The following MYO18B variants were observed in gnomAD, a reference collection of about 807,000 sequenced individuals.
MYO18B encodes unconventional myosin-XVIIIb.
A neutral mutation model predicts 273.0 loss-of-function variants in MYO18B; 204 were observed. The observed-to-expected ratio is 0.75, with a 90% CI of 0.67 to 0.84. The LOEUF (loss-of-function observed/expected upper bound fraction) is 0.84, where lower values mean the gene tolerates loss of function less well. Among genes scored for constraint, MYO18B ranks in the 40% least tolerant of loss-of-function variants. MYO18B has a pLI of 0.00. For missense variants in MYO18B, 3,212 were observed against 3,287.6 expected (o/e 0.98, Z 0.56); for synonymous variants, 1,330 against 1,305.7 (o/e 1.02, Z -0.40).
At position 25,786,840 on chromosome 22, in the gene MYO18B, T is replaced by A. The variant is rs529039840; in HGVS notation, c.2376+1349T>A. ...TCAAAACTCAACCCAACAAAAAAGA[T>A]GGGCAAAATATGGAACATACAAAAA... On this transcript the variant is annotated intron_variant, in intron 11 of 43. Transcript: ENST00000335473. 2.0e-5 allele frequency among the ~76,000 whole-genome samples: 3 copies of A among 152,216 alleles called. No individual in the cohort carries two copies. In the South Asian group the frequency reaches 6.2e-4, roughly 32 times the overall value.
chr22:25,987,761 G>A (rs2093218093), intron 39 of MYO18B, among the ~76,000 whole-genome samples: 1 of 152,032 alleles, frequency 6.6e-6, no homozygotes. Context: ...ATGTATGCGT[G>A]TATGCATGAA....
chr22:25,948,455 C>CT (rs1569225255), intron 36 of MYO18B, among the ~76,000 whole-genome samples: 26 of 80,142 alleles, frequency 3.2e-4, no homozygotes, highest in African/African-American at 1.2e-3. Context: ...TCCTTCCTTC[C>CT]TTCCTTCTTT....
Position 26,027,465 on chromosome 22 carries a change from G to A in MYO18B, c.7491G>A (p.Glu2497=). The A allele has an allele frequency of 6.2e-7, 1 of 1,613,952 alleles. No homozygotes were observed. The highest frequency in any genetic ancestry group is 8.5e-7 in the Non-Finnish European group (1 of 1,179,892). The change falls in exon 43 of 44, where the codon GAG becomes GAA. Residue 2497 remains glutamate, a synonymous_variant. Coordinates refer to ENST00000335473, the MANE Select transcript of MYO18B (RefSeq NM_032608.7). This position sits in a 1 kb window ranked among gnomAD's most constrained non-coding sequence, Gnocchi z 4.1. ...AGACCATTTTGAAGAAGAGCCCGGA[G>A]CCCAAGGAGGATCCCGCTCACCTGT... ...GIKTILKKSP[E]PKEDPAHLSD...
Position 26,027,383 on chromosome 22 carries a change from G to A in MYO18B, c.7409G>A (p.Arg2470His), listed in dbSNP as rs75632091. The change falls in exon 43 of 44, where the codon CGT becomes CAT. Residue 2470 changes from arginine (R) to histidine (H), a missense_variant. Arg to His is a conservative substitution (Grantham distance 29, BLOSUM62 0). Transcript: ENST00000335473. This position sits in a 1 kb window ranked among gnomAD's most constrained non-coding sequence, Gnocchi z 4.1. ...SAKGGQDGSQRSSIHFETEEA... is the reference protein window; with the variant it reads ...SAKGGQDGSQHSSIHFETEEA... ...AAAGGTGGGCAAGACGGTTCACAGC[G>A]TTCAAGCATCCACTTTGAAACGGAA... is the stretch of plus-strand genomic sequence containing the variant. 8.1e-5 allele frequency: 130 copies of A among 1,613,908 alleles called. No individual in the cohort carries two copies. In the Admixed American group the frequency reaches 9.2e-4, roughly 11 times the overall value.
chr22:25,892,799 G>A (rs1017971928), intron 27 of MYO18B, among the ~76,000 whole-genome samples: 1 of 152,202 alleles, frequency 6.6e-6, no homozygotes, highest in African/African-American at 2.4e-5. Flanking sequence ...CATAGAGAGA[G>A]GGGAACATGT....
In MYO18B at chr22:25,768,648, G is replaced by T; in HGVS notation, c.732G>T (p.Gly244=). ...AGGGTCAAAGCATAGTGGGGAAGGG[G>T]CTTGGGACCCCCAAGACCACAGAGC... The part of the protein sequence containing the change: ...GEEGQSIVGK[G]LGTPKTTELK... The change falls in exon 4 of 44, where the codon GGG becomes GGT. Residue 244 remains glycine (G), a synonymous_variant. Transcript: ENST00000335473. 1 of 1,532,840 alleles carries T rather than the reference G, an allele frequency of 6.5e-7. No homozygotes were observed. Among genetic ancestry groups the T allele is most frequent in the Non-Finnish European group, 8.7e-7 (1 of 1,144,994 alleles). The allele number at this position is 1,532,840 out of a possible 1,614,324, so 95.0% of individuals were successfully genotyped here.
Position 26,027,148 on chromosome 22 carries a change from G to A in MYO18B, c.7174G>A (p.Asp2392Asn). The change falls in exon 43 of 44, where the codon GAC (aspartate) becomes AAC (asparagine). Residue 2392 changes from aspartate (D) to asparagine (N), a missense_variant. Coordinates refer to ENST00000335473, the MANE Select transcript of MYO18B (RefSeq NM_032608.7). The surrounding 1 kb of genome is among the most constrained non-coding windows in gnomAD (Gnocchi z 4.1). ...GAGGCGGTGTCTGGAGTCCTCTGTG[G>A]ACGATGCGGGCTGTCCAGACCTTGG... ...PRRRCLESSV[D>N]DAGCPDLGKE... 6.2e-7 allele frequency: 1 copy of A among 1,614,000 alleles called. No individual in the cohort carries two copies. The highest frequency in any genetic ancestry group is 8.5e-7 in the Non-Finnish European group (1 of 1,179,894).
At chr22:25,902,846 T>C (rs1410902808) in intron 30 of MYO18B, 110 bp downstream of exon 30, 6 of 1,242,502 alleles carry the variant, frequency 4.8e-6, no homozygotes, top group Middle Eastern at 2.0e-4. Flanking sequence ...CACAAGGGTA[T>C]CCTGGTCTGT....
At position 25,933,845 on chromosome 22, in the gene MYO18B, A is replaced by G. The variant is rs372564974; in HGVS notation, c.5518-12292A>G. Among the ~76,000 whole-genome samples the G allele has an allele frequency of 1.0e-3, 159 of 152,338 alleles. 1 individual carries two copies. Among genetic ancestry groups the G allele is most frequent in the African/African-American group, 3.7e-3 (153 of 41,574 alleles). On this transcript the variant is annotated intron_variant, in intron 34 of 43. Coordinates refer to ENST00000335473, the MANE Select transcript of MYO18B (RefSeq NM_032608.7). ...AAATGTATGCATTTCTGTAGGGTGC[A>G]TAACTAGAAGTGTGGTATCTCTGGG...
Position 25,781,806 on chromosome 22 carries a change from A to G in MYO18B, c.2284A>G (p.Met762Val). The G allele has an allele frequency of 6.3e-7, 1 of 1,592,718 alleles. No individual in the cohort carries two copies. The highest frequency in any genetic ancestry group is 8.5e-7 in the Non-Finnish European group (1 of 1,170,770). ...GESNFLVFSQ[M>V]LAGLDLDLRT... Reference sequence around the variant, plus strand: ...AAGTAACTTCCTGGTTTTCTCCCAGATGCTGGCTGGATTGGACTTGGATCT... The same window carrying G: ...AAGTAACTTCCTGGTTTTCTCCCAGGTGCTGGCTGGATTGGACTTGGATCT... Residue 762 changes from methionine to valine, a missense_variant, in exon 10 of 44, where the codon ATG becomes GTG. Physicochemically the swap from Met to Val is conservative, Grantham distance 21. Transcript: ENST00000335473.
intron 34 of MYO18B, among the ~76,000 whole-genome samples, chr22:25,939,710 A>G (rs1410119592): frequency 6.6e-6 from 1 of 152,220 alleles, no homozygotes; most frequent in Non-Finnish European, 1.5e-5. Context: ...GATGCTGGGC[A>G]TGTACCATAC....
chr22:25,769,176 G>C lies in MYO18B; in HGVS notation c.1260G>C (p.Lys420Asn). The C allele has an allele frequency of 6.2e-7, 1 of 1,612,178 alleles. No homozygotes were observed. Among genetic ancestry groups the C allele is most frequent in the Non-Finnish European group, 8.5e-7 (1 of 1,179,234 alleles). ...CAGAGAAGGGCTGTGAAGCCCCAAA[G>C]GAGGTGAGCACAATGGTGGAGTCGC... is the stretch of plus-strand genomic sequence containing the variant. ...SQTEKGCEAP[K>N]EVSTMVESPA... Residue 420 changes from lysine (K) to asparagine (N), a missense_variant, in exon 4 of 44, where the codon AAG (lysine) becomes AAC (asparagine). Lys to Asn is a moderately conservative substitution (Grantham distance 94). Coordinates refer to ENST00000335473, the MANE Select transcript of MYO18B (RefSeq NM_032608.7).
In MYO18B at chr22:25,883,947, G is replaced by A. The variant is rs1415479864; in HGVS notation, c.4314+5899G>A. On this transcript the variant is annotated intron_variant, in intron 25 of 43. Coordinates refer to ENST00000335473, the MANE Select transcript of MYO18B (RefSeq NM_032608.7). The surrounding 1 kb of genome is among the most constrained non-coding windows in gnomAD (Gnocchi z 7.6). Reference sequence around the variant, plus strand: ...TTTATTTTCATAAGAAGGCAGTGCTGGCCTTCTTGTTGGAAGCACCTGTAA... The same window carrying A: ...TTTATTTTCATAAGAAGGCAGTGCTAGCCTTCTTGTTGGAAGCACCTGTAA... Among the ~76,000 whole-genome samples, 1 of 152,044 alleles carries A rather than the reference G, an allele frequency of 6.6e-6. No homozygotes were observed. The highest frequency in any genetic ancestry group is 2.4e-5 in the African/African-American group (1 of 41,400).
intron 7 of MYO18B, among the ~76,000 whole-genome samples, chr22:25,776,834 A>G (rs1439521568): frequency 6.6e-6 from 1 of 152,154 alleles, no homozygotes; most frequent in African/African-American, 2.4e-5. Context: ...CTCACTGTAG[A>G]AGAAACTGCC....
chr22:25,846,209 G>A lies in MYO18B; in HGVS notation c.3478G>A (p.Val1160Met), dbSNP rs907113777. The change falls in exon 19 of 44, where the codon GTG becomes ATG. Residue 1160 changes from valine to methionine, a missense_variant. Val to Met is a conservative substitution (Grantham distance 21). Transcript: ENST00000335473. ...SQQALQRSRM[V>M]RRTFASSLAA... ...GCAGGCCCTGCAGAGGAGCCGCATGGTGAGGAGGACCTTTGCCAGCAGCCT... is the reference window on the plus strand; with the variant it reads ...GCAGGCCCTGCAGAGGAGCCGCATGATGAGGAGGACCTTTGCCAGCAGCCT... The A allele has an allele frequency of 4.3e-6, 7 of 1,612,452 alleles. No individual in the cohort carries two copies. The highest frequency in any genetic ancestry group is 1.7e-5 in the Admixed American group (1 of 59,992).
At chr22:25,983,967 A>G (rs1339550748) in intron 39 of MYO18B, among the ~76,000 whole-genome samples, 1 of 152,222 alleles carries the variant, frequency 6.6e-6, no homozygotes, top group East Asian at 1.9e-4. Flanking sequence ...CTTCAACAAA[A>G]CAAGTAATAG....
intron 23 of MYO18B, among the ~76,000 whole-genome samples, chr22:25,875,934 G>A (rs1664579317): frequency 6.6e-6 from 1 of 151,816 alleles, no homozygotes; most frequent in Non-Finnish European, 1.5e-5. Flanking sequence ...GGCCATGCAA[G>A]ACTAAATTAT....
At chr22:25,865,898 T>C (rs2090872148) in intron 21 of MYO18B, among the ~76,000 whole-genome samples, 1 of 152,182 alleles carries the variant, frequency 6.6e-6, no homozygotes, top group African/African-American at 2.4e-5. Context: ...CATTATATTT[T>C]GGATATATTG....
chr22:26,002,126 T>C (rs376590879), intron 40 of MYO18B, among the ~76,000 whole-genome samples: 6 of 152,356 alleles, frequency 3.9e-5, no homozygotes, highest in African/African-American at 1.2e-4. Flanking sequence ...CTGCTTTTGT[T>C]CCACTGCAGA....
Sources: gnomAD v4.1 joint callset for allele counts (sites outside exome capture counted in the v4.1 genomes callset) on GRCh38, gnomAD v4.1.1 for gene constraint, Gnocchi (gnomAD v3.1) non-coding constraint, MANE v1.5 for transcripts, NCBI Gene and HGNC (gene_info 2026-07-23, HGNC 2026-07-21) for gene names.